Variants in KDM4A observed in about 807,000 individuals in gnomAD.
KDM4A encodes the protein lysine demethylase 4A, also known as lysine-specific demethylase 4A.
In KDM4A, 23 loss-of-function variants were observed where a neutral mutation model predicts 127.1. That is an observed-to-expected ratio of 0.18 (90% CI 0.13 to 0.26). The LOEUF is 0.26. Among genes scored for constraint, KDM4A ranks in the 10% least tolerant of loss-of-function variants. The probability of loss-of-function intolerance (pLI) is 1.00; values close to 1 mark genes in which losing one functional copy is unlikely to be tolerated. For synonymous variants in KDM4A, 443 were observed against 466.5 expected, an observed-to-expected ratio of 0.95 and a Z score of 0.65; for missense variants, 890 against 1,329.1, an observed-to-expected ratio of 0.67 and a Z score of 5.14.
chr1:43,666,652 C>T (rs1182190853), intron 7 of KDM4A, 97 bp downstream of exon 7: 1 of 986,056 alleles, frequency 1.0e-6, no homozygotes, highest in Non-Finnish European at 1.6e-6. Context: ...AAGAGGGGGC[C>T]AAAGCTTAAA....
In KDM4A at chr1:43,704,868, G is replaced by A. The variant is rs1330733733; in HGVS notation, c.*498G>A. The A allele has an allele frequency of 6.3e-6, 1 of 158,842 alleles. No individual in the cohort carries two copies. Among genetic ancestry groups the A allele is most frequent in the Non-Finnish European group, 1.4e-5 (1 of 72,388 alleles). The allele number at this position is 158,842 out of a possible 1,614,324, so 9.8% of individuals were successfully genotyped here. On this transcript the variant is annotated 3_prime_UTR_variant, in exon 22 of 22. Coordinates refer to ENST00000372396, the MANE Select transcript of KDM4A (RefSeq NM_014663.3). ...CTTTACTTTCTTCCTTGCCTATGCA[G>A]GGCAAACAAAATGTGAAATTCTGCC...
chr1:43,676,254 C>T (rs1011100379), intron 11 of KDM4A, among the ~76,000 whole-genome samples: 2 of 152,100 alleles, frequency 1.3e-5, no homozygotes, highest in Non-Finnish European at 1.5e-5. Flanking sequence ...TGTACCATTG[C>T]ACTACAGCCT....
intron 3 of KDM4A, among the ~76,000 whole-genome samples, chr1:43,658,701 C>T (rs1660304447): frequency 1.3e-5 from 2 of 151,896 alleles, no homozygotes; most frequent in African/African-American, 4.8e-5. Context: ...TACAGGGTTT[C>T]ACCATGTTAG....
intron 3 of KDM4A, among the ~76,000 whole-genome samples, chr1:43,656,298 T>C (rs1354152651): frequency 1.3e-5 from 2 of 151,196 alleles, no homozygotes; most frequent in East Asian, 3.9e-4. Context: ...TTTCTTTGTG[T>C]AGGCCTGTTT....
intron 19 of KDM4A, chr1:43,702,489 T>A (rs1661423317): frequency 6.6e-6 from 1 of 152,200 alleles, no homozygotes; most frequent in African/African-American, 2.4e-5. Context: ...ATCCACATCC[T>A]TTTAGACTCA....
chr1:43,689,548 G>A (rs894386612), intron 13 of KDM4A, among the ~76,000 whole-genome samples: 32 of 152,226 alleles, frequency 2.1e-4, no homozygotes, highest in African/African-American at 7.5e-4. Flanking sequence ...GAAGGAACTT[G>A]GGAGGGGTGG....
intron 3 of KDM4A, among the ~76,000 whole-genome samples, chr1:43,657,338 G>C (rs1660267448): frequency 6.6e-6 from 1 of 151,824 alleles, no homozygotes; most frequent in Non-Finnish European, 1.5e-5. Context: ...GAGCAGCTGG[G>C]ATTACAGGCG....
At chr1:43,663,652 C>T (rs1034962043) in intron 5 of KDM4A, among the ~76,000 whole-genome samples, 2 of 151,372 alleles carry the variant, frequency 1.3e-5, no homozygotes, top group African/African-American at 4.9e-5. Context: ...GAGACAGGGT[C>T]TCACTCTGTC....
chr1:43,690,683 C>G (rs1425652405), intron 13 of KDM4A, 162 bp from the exon 14 acceptor site: 1 of 711,098 alleles, frequency 1.4e-6, no homozygotes, highest in East Asian at 2.5e-5. Context: ...TGAGTCATTA[C>G]AGGTAACTTC....
intron 12 of KDM4A, among the ~76,000 whole-genome samples, chr1:43,684,571 G>A (rs1219730023): frequency 6.6e-6 from 1 of 152,192 alleles, no homozygotes; most frequent in Non-Finnish European, 1.5e-5. Context: ...GGAGCAGGAG[G>A]CTGTAGTCAG....
intron 1 of KDM4A, among the ~76,000 whole-genome samples, chr1:43,651,978 A>G (rs778160220): frequency 6.6e-6 from 1 of 152,268 alleles, no homozygotes; most frequent in Non-Finnish European, 1.5e-5. Flanking sequence ...TCAACAGAAC[A>G]GTTTCACTTT....
intron 3 of KDM4A, among the ~76,000 whole-genome samples, chr1:43,660,041 T>C (rs1309506494): frequency 6.6e-6 from 1 of 152,036 alleles, no homozygotes; most frequent in Non-Finnish European, 1.5e-5. Context: ...CTTCAGAGAG[T>C]TGAGGATGTT....
intron 12 of KDM4A, among the ~76,000 whole-genome samples, chr1:43,684,489 C>T (rs184694790): frequency 5.3e-5 from 8 of 151,910 alleles, no homozygotes; most frequent in Admixed American, 3.3e-4. Context: ...GGCGACAGAG[C>T]GAGATGCCAT....
rs541112235 is a variant in KDM4A, at chr1:43,667,489, C to T, written c.916-283C>T. ...CAGGGAACAAGGGCAGGTGGCTCAC[C>T]GTCCTGGGGGCCTAAGTGCAGAGCC... On this transcript the variant is annotated intron_variant, in intron 8 of 21. Coordinates refer to ENST00000372396, the MANE Select transcript of KDM4A (RefSeq NM_014663.3). Among the ~76,000 whole-genome samples the T allele has an allele frequency of 3.1e-3, 470 of 152,250 alleles. 2 individuals are homozygous for T. The highest frequency in any genetic ancestry group is 0.011 in the African/African-American group (450 of 41,544).
intron 19 of KDM4A, among the ~76,000 whole-genome samples, chr1:43,701,471 T>C (rs540495189): frequency 6.6e-6 from 1 of 152,268 alleles, no homozygotes; most frequent in South Asian, 2.1e-4. Context: ...TGTCAGTCAC[T>C]TTTTTCTTTT....
chr1:43,675,617 G>T (rs1391406507), intron 11 of KDM4A, among the ~76,000 whole-genome samples: 2 of 152,170 alleles, frequency 1.3e-5, no homozygotes, highest in African/African-American at 4.8e-5. Context: ...GCCTCAGGTG[G>T]TGCTGTTGGG....
intron 13 of KDM4A, chr1:43,690,585 T>C (rs747675694): frequency 2.1e-5 from 11 of 528,458 alleles, no homozygotes; most frequent in East Asian, 3.3e-5. Context: ...TTTGGGAAGA[T>C]TGAAATCCCA....
At chr1:43,674,387 C>T (rs2154047548) in intron 11 of KDM4A, among the ~76,000 whole-genome samples, 1 of 152,244 alleles carries the variant, frequency 6.6e-6, no homozygotes, top group African/African-American at 2.4e-5. Context: ...TGTCCTTTTT[C>T]CTCTCAATTC....
In KDM4A at chr1:43,694,194, G is replaced by C; in HGVS notation, c.2484+92G>C. 1 of 994,236 alleles carries C rather than the reference G, an allele frequency of 1.0e-6. No individual in the cohort carries two copies. The highest frequency in any genetic ancestry group is 2.6e-5 in the East Asian group (1 of 38,394). 61.6% of individuals were successfully genotyped at this position (994,236 alleles called of 1,614,324 possible). On this transcript the variant is annotated intron_variant, in intron 17 of 21. Transcript: ENST00000372396. This position sits in a 1 kb window ranked among gnomAD's most constrained non-coding sequence, Gnocchi z 5.2. ...CTCCTGTACCCCTTGGTTTTGGTTA[G>C]AGTTTGTGATTCTCACTCTGTGGTT...
Sources: gnomAD v4.1 joint callset for allele counts (sites outside exome capture counted in the v4.1 genomes callset) on GRCh38, gnomAD v4.1.1 for gene constraint, Gnocchi (gnomAD v3.1) non-coding constraint, MANE v1.5 for transcripts, NCBI Gene and HGNC (gene_info 2026-07-23, HGNC 2026-07-21) for gene names.